The following TCP11L1 variants were observed in gnomAD, a reference collection of about 807,000 sequenced individuals.
TCP11L1 encodes the protein t-complex 11 like 1, also known as T-complex protein 11-like protein 1.
A neutral mutation model predicts 48.9 loss-of-function variants in TCP11L1; 28 were observed. The observed-to-expected ratio is 0.57, with a 90% confidence interval of 0.42 to 0.78. The LOEUF (loss-of-function observed/expected upper bound fraction) is 0.78, where lower values mean the gene tolerates loss of function less well. Among genes scored for constraint, TCP11L1 ranks in the 30% least tolerant of loss-of-function variants. TCP11L1 has a pLI of 0.00. For missense variants in TCP11L1, 505 were observed against 613.4 expected (o/e 0.82, Z 1.87); for synonymous variants, 204 against 231.9 (o/e 0.88, Z 1.09).
At chr11:33,064,945 C>T (rs138671585) in intron 7 of TCP11L1, among the ~76,000 whole-genome samples, 14 of 152,332 alleles carry the variant, frequency 9.2e-5, no homozygotes, top group Admixed American at 3.3e-4. Flanking sequence ...CACCCACCAT[C>T]GCACCTGGCC....
chr11:33,053,943 G>T (rs1453744696), intron 2 of TCP11L1, among the ~76,000 whole-genome samples: 1 of 152,104 alleles, frequency 6.6e-6, no homozygotes, highest in African/African-American at 2.4e-5. Flanking sequence ...AACCTCCTGA[G>T]TAGCTGGGAC....
chr11:33,048,225 C>G (rs1854056852), intron 2 of TCP11L1, among the ~76,000 whole-genome samples: 1 of 151,052 alleles, frequency 6.6e-6, no homozygotes, highest in Admixed American at 6.6e-5. Context: ...GTTGCCCAGG[C>G]TGGCCTTGAA....
chr11:33,054,622 GA>G lies in TCP11L1; in HGVS notation c.195del (p.Glu65AspfsTer3). The stretch of plus-strand genomic sequence containing the variant: ...TCCTCCTCGCTTTGTGACAGTAGAA[GA>G]ACTTCTAGAGACAGCGAGAGGTGTC... ...SSPPRFVTVE[E>X]LLETARGVTN... On this transcript the variant is annotated frameshift_variant, in exon 3 of 10. Transcript: ENST00000334274. LOFTEE classifies it high-confidence loss of function. The G allele has an allele frequency of 6.2e-7, 1 of 1,613,500 alleles. No individual in the cohort carries two copies. The highest frequency in any genetic ancestry group is 8.5e-7 in the Non-Finnish European group (1 of 1,179,840).
intron 6 of TCP11L1, 56 bp from the exon 7 acceptor site, chr11:33,061,474 C>T (rs574034738): frequency 8.7e-5 from 129 of 1,487,986 alleles, no homozygotes; most frequent in Non-Finnish European, 1.1e-4. Flanking sequence ...TTAAGTAATT[C>T]CGAGAAGCAT....
In TCP11L1 at chr11:33,072,599, C is replaced by T. The variant is rs1454156416; in HGVS notation, c.1453C>T (p.Arg485Cys). 2.5e-6 allele frequency: 4 copies of T among 1,613,994 alleles called. No homozygotes were observed. Among genetic ancestry groups the T allele is most frequent in the East Asian group, 2.2e-5 (1 of 44,882 alleles). ...ELEEVAIKFA[R>C]LVNYNKMVFC... ...GGAGGAAGTTGCTATTAAATTTGCT[C>T]GCCTGGTCAACTATAACAAGATGGT... The change falls in exon 10 of 10, where the codon CGC (arginine) becomes TGC (cysteine). Residue 485 changes from arginine (R) to cysteine (C), a missense_variant. By Grantham distance (180) the Arg-to-Cys change is radical. This residue lies in a region of TCP11L1 where 335 missense variants were observed against 413.3 expected (regional missense o/e 0.81). Transcript: ENST00000334274.
chr11:33,043,997 TG>T, intron 2 of TCP11L1, 61 bp downstream of exon 2: 1 of 1,500,766 alleles, frequency 6.7e-7, no homozygotes, highest in East Asian at 2.4e-5. Flanking sequence ...GACGGTTTTA[TG>T]AGGCCTCCTT....
At chr11:33,070,189 G>A (rs528122639) in intron 9 of TCP11L1, among the ~76,000 whole-genome samples, 102 of 152,184 alleles carry the variant, frequency 6.7e-4, no homozygotes, top group Non-Finnish European at 1.3e-3. Context: ...GCTGAGGCAG[G>A]AGGATCACTT....
rs1005590056 is a variant in TCP11L1, at chr11:33,048,966, A to G, written c.163+5030A>G. Among the ~76,000 whole-genome samples the G allele has an allele frequency of 2.6e-5, 4 of 152,238 alleles. No individual in the cohort carries two copies. In the East Asian group the frequency reaches 7.7e-4, roughly 29 times the overall value. ...GACTAAAATTATTGGGAAATAACAA[A>G]TCCGGCCAGGCGCGGTGGCTCATGC... is the stretch of plus-strand genomic sequence containing the variant. On this transcript the variant is annotated intron_variant, in intron 2 of 9. Coordinates refer to ENST00000334274, the MANE Select transcript of TCP11L1 (RefSeq NM_018393.4).
intron 2 of TCP11L1, among the ~76,000 whole-genome samples, chr11:33,048,525 A>G (rs1854064777): frequency 6.6e-6 from 1 of 152,242 alleles, no homozygotes; most frequent in Non-Finnish European, 1.5e-5. Flanking sequence ...CTCTGTATGT[A>G]CATCGGTAAC....
chr11:33,049,364 A>G (rs1219953492), intron 2 of TCP11L1, among the ~76,000 whole-genome samples: 1 of 152,164 alleles, frequency 6.6e-6, no homozygotes, highest in African/African-American at 2.4e-5. Flanking sequence ...CTGCCCCTCC[A>G]CAACCTGTGG....
intron 2 of TCP11L1, among the ~76,000 whole-genome samples, chr11:33,051,108 G>A (rs796525073): frequency 1.2e-4 from 18 of 151,760 alleles, no homozygotes; most frequent in African/African-American, 3.6e-4. Flanking sequence ...ACCATGCCCC[G>A]CTCTGCAATC....
intron 2 of TCP11L1, among the ~76,000 whole-genome samples, chr11:33,048,573 A>G (rs1028750787): frequency 6.6e-5 from 10 of 152,200 alleles, no homozygotes; most frequent in South Asian, 2.1e-4. Flanking sequence ...GCTTTTATCT[A>G]TCATGATCAG....
In TCP11L1 at chr11:33,072,659, A is replaced by T; in HGVS notation, c.1513A>T (p.Ile505Phe). The change falls in exon 10 of 10, where the codon ATC (isoleucine) becomes TTC (phenylalanine). Residue 505 changes from isoleucine (I) to phenylalanine (F), a missense_variant. By Grantham distance (21) the Ile-to-Phe change is conservative. This residue lies in a region of TCP11L1 where 335 missense variants were observed against 413.3 expected (regional missense o/e 0.81). Coordinates refer to ENST00000334274, the MANE Select transcript of TCP11L1 (RefSeq NM_018393.4). ...CTACTACGATGCAATCCTGAGTAAG[A>T]TCCTCGTCCGATCCTAACGTGTATG... Reference protein sequence around the residue: ...CPYYDAILSKILVRS With the variant: ...CPYYDAILSKFLVRS The T allele has an allele frequency of 6.2e-7, 1 of 1,614,166 alleles. No homozygotes were observed. The highest frequency in any genetic ancestry group is 8.5e-7 in the Non-Finnish European group (1 of 1,180,038).
chr11:33,059,154 C>T, intron 6 of TCP11L1, 59 bp downstream of exon 6: 3 of 1,587,740 alleles, frequency 1.9e-6, no homozygotes, highest in South Asian at 1.1e-5. Flanking sequence ...TTTTAGCTGC[C>T]ATAGCTTGTT....
chr11:33,072,710 C>A lies in TCP11L1; in HGVS notation c.*34C>A. The A allele has an allele frequency of 6.2e-7, 1 of 1,610,258 alleles. No individual in the cohort carries two copies. Among genetic ancestry groups the A allele is most frequent in the Non-Finnish European group, 8.5e-7 (1 of 1,176,918 alleles). On this transcript the variant is annotated 3_prime_UTR_variant, in exon 10 of 10. Transcript: ENST00000334274. ...CACCCTACAGCAGCAGTATTACTCA[C>A]TAGCCACAGAATACCTGTTCTGTAC... is the stretch of plus-strand genomic sequence containing the variant.
chr11:33,046,717 A>AT (rs1854005746), intron 2 of TCP11L1, among the ~76,000 whole-genome samples: 1 of 152,242 alleles, frequency 6.6e-6, no homozygotes, highest in African/African-American at 2.4e-5. Context: ...GCATCAGGTA[A>AT]GGAAGCATTA....
rs2273544 is a variant in TCP11L1, at chr11:33,054,645, T to C, written c.216T>C (p.Gly72=). Residue 72 remains glycine (G), a synonymous_variant, in exon 3 of 10, where the codon GGT becomes GGC. Transcript: ENST00000334274. ...TVEELLETAR[G]VTNMALAHEI... ...AAGAACTTCTAGAGACAGCGAGAGG[T>C]GTCACCAACATGGCTCTAGCCCATG... The C allele has an allele frequency of 0.72, 1,162,430 of 1,613,080 alleles. 420,700 individuals are homozygous for C. Among genetic ancestry groups the C allele is most frequent in the East Asian group, 0.85 (38,318 of 44,830 alleles).
In TCP11L1 at chr11:33,058,124, T is replaced by C. The variant is rs1854363847; in HGVS notation, c.623T>C (p.Ile208Thr). The part of the protein sequence containing the change: ...EVKKLKDIKE[I>T]VPLFREIFSV... ...AAGAAACTAAAGGACATTAAGGAAA[T>C]AGTGCCCCTTTTCAGGTATGGAAAT... Residue 208 changes from isoleucine to threonine, a missense_variant, in exon 5 of 10, where the codon ATA becomes ACA. Physicochemically the swap from Ile to Thr is moderately conservative, Grantham distance 89 (BLOSUM62 -1). This residue lies in a region of TCP11L1 where 335 missense variants were observed against 413.3 expected (regional missense o/e 0.81). Coordinates refer to ENST00000334274, the MANE Select transcript of TCP11L1 (RefSeq NM_018393.4). The C allele has an allele frequency of 6.2e-7, 1 of 1,613,088 alleles. No individual in the cohort carries two copies. Among genetic ancestry groups the C allele is most frequent in the Admixed American group, 1.7e-5 (1 of 59,948 alleles).
chr11:33,057,073 T>G (rs1305486373), intron 3 of TCP11L1, 42 bp from the exon 4 acceptor site: 1 of 1,611,970 alleles, frequency 6.2e-7, no homozygotes, highest in Non-Finnish European at 8.5e-7. Context: ...AACTCAAATA[T>G]TTTGGTTTTT....
Sources: allele counts gnomAD v4.1 joint callset (sites outside exome capture counted in the v4.1 genomes callset), GRCh38; gene constraint gnomAD v4.1.1; regional missense constraint gnomAD v4.1.1; transcripts MANE v1.5; gene names NCBI Gene and HGNC (gene_info 2026-07-23, HGNC 2026-07-21).